The following PCDHGB7 variants were observed in gnomAD, a reference collection of about 807,000 sequenced individuals.
PCDHGB7 encodes the protein protocadherin gamma subfamily B, 7.
A neutral mutation model predicts 61.4 loss-of-function variants in PCDHGB7; 37 were observed. That is an observed-to-expected ratio of 0.60 (90% CI 0.46 to 0.79). The LOEUF (loss-of-function observed/expected upper bound fraction) is 0.79. PCDHGB7 is among the 30% of genes least tolerant of loss of function. The pLI is 0.00. For synonymous variants in PCDHGB7, 464 were observed against 503.5 expected, an observed-to-expected ratio of 0.92 and a Z score of 1.05; for missense variants, 1,166 against 1,202.5, an observed-to-expected ratio of 0.97 and a Z score of 0.45.
At chr5:141,457,791 A>G (rs554446263) in intron 1 of PCDHGB7, among the ~76,000 whole-genome samples, 1 of 152,318 alleles carries the variant, frequency 6.6e-6, no homozygotes, top group South Asian at 2.1e-4. Flanking sequence ...GAGTTGGGTT[A>G]TCCTCTCCTC....
chr5:141,421,379 A>G, intron 1 of PCDHGB7: 1 of 1,614,054 alleles, frequency 6.2e-7, no homozygotes, highest in Non-Finnish European at 8.5e-7. Flanking sequence ...AATATCTCCA[A>G]GGACCTGGGG....
Position 141,420,022 on chromosome 5 carries a change from T to A in PCDHGB7, c.2163T>A (p.Pro721=). 3 of 1,614,104 alleles carry A rather than the reference T, an allele frequency of 1.9e-6. No individual in the cohort carries two copies. Among genetic ancestry groups the A allele is most frequent in the Middle Eastern group, 3.3e-4 (2 of 6,062 alleles). The change falls in exon 1 of 4, where the codon CCT becomes CCA. Residue 721 remains proline, a synonymous_variant. Transcript: ENST00000398594. ...TACGCCTGCGACAGTCTTTCAGCCC[T>A]ACTGCAGGAGACTGCTTTGAGTCAG... ...IALRLRQSFS[P]TAGDCFESVL... is the part of the protein sequence containing the mutation.
intron 1 of PCDHGB7, among the ~76,000 whole-genome samples, chr5:141,434,518 T>C (rs2097700303): frequency 6.6e-6 from 1 of 152,188 alleles, no homozygotes; most frequent in Admixed American, 6.5e-5. Flanking sequence ...CTTAAAGGTG[T>C]TCTTAAACCA....
In PCDHGB7 at chr5:141,487,494, C is replaced by T. The variant is rs116370895; in HGVS notation, c.2416-7313C>T. 12 of 1,614,120 alleles carry T rather than the reference C, an allele frequency of 7.4e-6. No individual in the cohort carries two copies. The East Asian group carries it at 1.1e-4, about 15-fold the overall frequency. On this transcript the variant is annotated intron_variant, in intron 1 of 3. Transcript: ENST00000398594. The surrounding 1 kb of genome is among the most constrained non-coding windows in gnomAD (Gnocchi z 5.0). Reference sequence around the variant, plus strand: ...GGAGGCCACTCTCATGGCTGTACACCCTTGGCTTCTGCACCCACTCGGAGT... The same window carrying T: ...GGAGGCCACTCTCATGGCTGTACACTCTTGGCTTCTGCACCCACTCGGAGT...
At chr5:141,439,739 G>A (rs867225156) in intron 1 of PCDHGB7, 4 of 152,312 alleles carry the variant, frequency 2.6e-5, no homozygotes, top group Non-Finnish European at 5.9e-5. Flanking sequence ...GGAACGGAAC[G>A]GATTTACAGG....
At chr5:141,480,021 C>T (rs1415230863) in intron 1 of PCDHGB7, among the ~76,000 whole-genome samples, 2 of 152,208 alleles carry the variant, frequency 1.3e-5, no homozygotes, top group East Asian at 3.8e-4. Flanking sequence ...AATCTCCTTT[C>T]TAAGCCTCTT....
intron 3 of PCDHGB7, among the ~76,000 whole-genome samples, chr5:141,508,646 G>A (rs1434098773): frequency 2.6e-5 from 4 of 152,014 alleles, no homozygotes; most frequent in African/African-American, 9.7e-5. Flanking sequence ...ACTCCGTCAG[G>A]CCCTTCCTGT....
chr5:141,491,438 G>A lies in PCDHGB7; in HGVS notation c.2416-3369G>A, dbSNP rs376927300. The A allele has an allele frequency of 3.7e-6, 6 of 1,614,066 alleles. No homozygotes were observed. Among genetic ancestry groups the A allele is most frequent in the Admixed American group, 1.7e-5 (1 of 60,016 alleles). On this transcript the variant is annotated intron_variant, in intron 1 of 3. Coordinates refer to ENST00000398594, the MANE Select transcript of PCDHGB7 (RefSeq NM_018927.4). This position sits in a 1 kb window ranked among gnomAD's most constrained non-coding sequence, Gnocchi z 6.9. ...GGGGGTGGAGGGCAGTGCTGCAGGC[G>A]CCAGGACTCACCCTCCCCGGACTTC...
chr5:141,433,305 C>A, intron 1 of PCDHGB7: 1 of 931,030 alleles, frequency 1.1e-6, no homozygotes, highest in Non-Finnish European at 1.6e-6. Context: ...GCAATTATCC[C>A]ACCTTTGCCT....
In PCDHGB7 at chr5:141,431,024, A is replaced by G; in HGVS notation, c.2415+10750A>G. ...CAGCGGCAGCTTGGTCACGGCGGGCAGGATAGACCGGGAGGAGCTCTGTAT... is the reference window on the plus strand; with the variant it reads ...CAGCGGCAGCTTGGTCACGGCGGGCGGGATAGACCGGGAGGAGCTCTGTAT... On this transcript the variant is annotated intron_variant, in intron 1 of 3. Transcript: ENST00000398594. The surrounding 1 kb of genome is among the most constrained non-coding windows in gnomAD (Gnocchi z 4.8). 2.5e-6 allele frequency: 4 copies of G among 1,614,024 alleles called. No homozygotes were observed. The highest frequency in any genetic ancestry group is 3.4e-6 in the Non-Finnish European group (4 of 1,179,926).
intron 1 of PCDHGB7, chr5:141,421,164 A>G (rs1304650780): frequency 1.6e-6 from 2 of 1,286,298 alleles, no homozygotes; most frequent in African/African-American, 1.5e-5. Flanking sequence ...GACTTCATAG[A>G]TACATAAGCC....
chr5:141,428,856 G>A (rs1195849417), intron 1 of PCDHGB7: 4 of 143,808 alleles, frequency 2.8e-5, no homozygotes, highest in Admixed American at 1.4e-4. Flanking sequence ...ATTTTTACGG[G>A]AGACTTTTTT....
At chr5:141,506,306 G>A (rs539365378) in intron 3 of PCDHGB7, among the ~76,000 whole-genome samples, 4 of 152,040 alleles carry the variant, frequency 2.6e-5, no homozygotes, top group Non-Finnish European at 5.9e-5. Flanking sequence ...AAAATTAGCT[G>A]GGCATGGTGG....
chr5:141,448,928 G>C (rs2098617520), intron 1 of PCDHGB7, among the ~76,000 whole-genome samples: 1 of 152,166 alleles, frequency 6.6e-6, no homozygotes, highest in Non-Finnish European at 1.5e-5. Context: ...CTGGGCGACA[G>C]AGCAAGACTG....
At chr5:141,464,995 G>A (rs1330469198) in intron 1 of PCDHGB7, among the ~76,000 whole-genome samples, 1 of 151,962 alleles carries the variant, frequency 6.6e-6, no homozygotes, top group East Asian at 1.9e-4. Context: ...TCCCACCTCA[G>A]CCTCCCAAAG....
chr5:141,427,052 C>T (rs79280874), intron 1 of PCDHGB7: 9,800 of 457,514 alleles, frequency 0.021, 162 homozygotes, highest in Middle Eastern at 0.051. Flanking sequence ...TGCCCCCAGG[C>T]ACCTCTGTAC....
At chr5:141,500,866 A>C (rs576713520) in intron 2 of PCDHGB7, among the ~76,000 whole-genome samples, 1 of 146,112 alleles carries the variant, frequency 6.8e-6, no homozygotes, top group Non-Finnish European at 1.5e-5. Context: ...AAACATACAC[A>C]TTCATTTACA....
intron 1 of PCDHGB7, among the ~76,000 whole-genome samples, chr5:141,449,891 A>G (rs2098658520): frequency 6.6e-6 from 1 of 151,872 alleles, no homozygotes; most frequent in Non-Finnish European, 1.5e-5. Flanking sequence ...CAATATAATT[A>G]TTTAGCCTAT....
intron 1 of PCDHGB7, among the ~76,000 whole-genome samples, chr5:141,420,701 T>C (rs371823252): frequency 7.2e-5 from 11 of 152,226 alleles, no homozygotes; most frequent in Admixed American, 5.9e-4. Flanking sequence ...TATTTCCACT[T>C]CCAGAAATGT....
Sources: gnomAD v4.1 joint callset for allele counts (sites outside exome capture counted in the v4.1 genomes callset) on GRCh38, gnomAD v4.1.1 for gene constraint, Gnocchi (gnomAD v3.1) non-coding constraint, MANE v1.5 for transcripts, NCBI Gene and HGNC (gene_info 2026-07-23, HGNC 2026-07-21) for gene names.